The following CPQ variants were observed in gnomAD, a reference collection of about 807,000 sequenced individuals.
CPQ encodes carboxypeptidase Q, also known as Ser-Met dipeptidase.
CPQ carries 37 observed loss-of-function variants against 45.7 expected under a neutral mutation model. The ratio of observed to expected loss-of-function variants is 0.81; its 90% confidence interval spans 0.62 to 1.07. The LOEUF is 1.07. Among genes scored for constraint, CPQ ranks in the 50% least tolerant of loss-of-function variants. The pLI is 0.00. For synonymous variants in CPQ, 186 were observed against 205.8 expected, an observed-to-expected ratio of 0.90 and a Z score of 0.82; for missense variants, 537 against 572.9, an observed-to-expected ratio of 0.94 and a Z score of 0.64.
chr8:97,008,611 A>G (rs1361637360), intron 5 of CPQ, among the ~76,000 whole-genome samples: 1 of 152,160 alleles, frequency 6.6e-6, no homozygotes, highest in Non-Finnish European at 1.5e-5. Context: ...CACGTGTACA[A>G]TGGAGGCTTA....
At chr8:96,658,476 C>A (rs759577930) in intron 1 of CPQ, among the ~76,000 whole-genome samples, 10 of 152,140 alleles carry the variant, frequency 6.6e-5, no homozygotes, top group Non-Finnish European at 1.5e-4. Flanking sequence ...CTGCAGTGGG[C>A]AGAATACTGT....
intron 3 of CPQ, among the ~76,000 whole-genome samples, chr8:96,863,139 G>A (rs1811951752): frequency 6.6e-6 from 1 of 152,102 alleles, no homozygotes; most frequent in Admixed American, 6.6e-5. Context: ...CAGATATGGA[G>A]GAAATAAATG....
chr8:97,059,472 C>G (rs2130518358), intron 6 of CPQ, among the ~76,000 whole-genome samples: 1 of 152,228 alleles, frequency 6.6e-6, no homozygotes, highest in East Asian at 1.9e-4. Context: ...CCTGGCTCTC[C>G]CTTGGGTGCC....
At chr8:96,956,381 CA>C (rs534018332) in intron 4 of CPQ, among the ~76,000 whole-genome samples, 244 of 152,086 alleles carry the variant, frequency 1.6e-3, no homozygotes, top group Non-Finnish European at 2.9e-3. Context: ...ATTTTCGGAC[CA>C]TTTTTTTTGA....
intron 1 of CPQ, among the ~76,000 whole-genome samples, chr8:96,779,978 G>T (rs1238489363): frequency 6.6e-6 from 1 of 152,124 alleles, no homozygotes; most frequent in Non-Finnish European, 1.5e-5. Context: ...GTTTAAATAT[G>T]ATAGCAACTT....
chr8:97,002,732 AT>A (rs1359221326), intron 5 of CPQ, among the ~76,000 whole-genome samples: 1 of 152,080 alleles, frequency 6.6e-6, no homozygotes, highest in African/African-American at 2.4e-5. Flanking sequence ...ATATTCTGTT[AT>A]TTTTGGGTGG....
In CPQ at chr8:96,678,496, T is replaced by G. The variant is rs575351471; in HGVS notation, c.-35+33094T>G. On this transcript the variant is annotated intron_variant, in intron 1 of 7. Coordinates refer to ENST00000220763, the MANE Select transcript of CPQ (RefSeq NM_016134.4). The stretch of plus-strand genomic sequence containing the variant: ...AGCTTTTTGAGAAACCTCCATGATG[T>G]GTTTCATCATGGCTGCACTAATTTA... Among the ~76,000 whole-genome samples the G allele has an allele frequency of 1.8e-4, 27 of 152,182 alleles. No homozygotes were observed. The South Asian group carries it at 5.4e-3, about 30-fold the overall frequency.
At chr8:97,105,703 T>A (rs1388132175) in intron 7 of CPQ, among the ~76,000 whole-genome samples, 2 of 152,210 alleles carry the variant, frequency 1.3e-5, no homozygotes, top group Non-Finnish European at 2.9e-5. Flanking sequence ...ATTGGTCACG[T>A]GGATCTTCAA....
intron 3 of CPQ, among the ~76,000 whole-genome samples, chr8:96,860,756 C>T (rs1811916009): frequency 6.6e-6 from 1 of 152,100 alleles, no homozygotes; most frequent in Non-Finnish European, 1.5e-5. Flanking sequence ...TAAGTCTTAG[C>T]CTCTGGACAC....
chr8:96,916,930 C>G (rs1812741686), intron 4 of CPQ, among the ~76,000 whole-genome samples: 1 of 152,160 alleles, frequency 6.6e-6, no homozygotes, highest in Non-Finnish European at 1.5e-5. Flanking sequence ...TTGCCATTCT[C>G]ATCATCACAT....
chr8:96,660,933 T>G (rs1235703838), intron 1 of CPQ, among the ~76,000 whole-genome samples: 10 of 152,234 alleles, frequency 6.6e-5, no homozygotes, highest in African/African-American at 2.4e-4. Context: ...ATATAAGTAC[T>G]GAAGAATTTA....
chr8:96,744,496 C>T (rs1469228649), intron 1 of CPQ, among the ~76,000 whole-genome samples: 1 of 152,192 alleles, frequency 6.6e-6, no homozygotes, highest in East Asian at 1.9e-4. Flanking sequence ...CATCTTGGCT[C>T]CTCCTCCTAG....
At chr8:96,911,947 T>C (rs1812670095) in intron 4 of CPQ, among the ~76,000 whole-genome samples, 1 of 152,192 alleles carries the variant, frequency 6.6e-6, no homozygotes, top group Non-Finnish European at 1.5e-5. Context: ...GCAGCTTGAC[T>C]GTGTGATGTC....
chr8:96,926,214 C>CTGGT (rs746918430), intron 4 of CPQ, among the ~76,000 whole-genome samples: 1 of 152,216 alleles, frequency 6.6e-6, no homozygotes, highest in Non-Finnish European at 1.5e-5. Flanking sequence ...TGACAGCCTT[C>CTGGT]TGGTTGTCCA....
At chr8:96,946,799 G>T (rs890147758) in intron 4 of CPQ, among the ~76,000 whole-genome samples, 4 of 152,022 alleles carry the variant, frequency 2.6e-5, no homozygotes, top group Non-Finnish European at 4.4e-5. Flanking sequence ...TGCTCCCTTT[G>T]GCTGTAGTTC....
intron 4 of CPQ, among the ~76,000 whole-genome samples, chr8:96,888,048 C>T (rs933063809): frequency 6.6e-6 from 1 of 152,144 alleles, no homozygotes; most frequent in African/African-American, 2.4e-5. Context: ...TCTCTGTTGG[C>T]TCTTTGGATC....
intron 4 of CPQ, among the ~76,000 whole-genome samples, chr8:96,892,822 G>A (rs1007317998): frequency 6.6e-6 from 1 of 152,130 alleles, no homozygotes; most frequent in African/African-American, 2.4e-5. Flanking sequence ...CTCCAATCAA[G>A]TCATATTAAT....
chr8:96,925,729 C>T (rs1022561560), intron 4 of CPQ, among the ~76,000 whole-genome samples: 3 of 143,862 alleles, frequency 2.1e-5, no homozygotes, highest in Non-Finnish European at 4.5e-5. Flanking sequence ...CTTGCTCTGT[C>T]GCCAGGCTGG....
intron 3 of CPQ, among the ~76,000 whole-genome samples, chr8:96,861,999 C>G (rs1055606934): frequency 1.3e-5 from 2 of 151,968 alleles, no homozygotes; most frequent in African/African-American, 4.8e-5. Flanking sequence ...TGAATATCAA[C>G]AAGTGATGGG....
Sources: gnomAD v4.1 joint callset for allele counts (sites outside exome capture counted in the v4.1 genomes callset) on GRCh38, gnomAD v4.1.1 for gene constraint, MANE v1.5 for transcripts, NCBI Gene and HGNC (gene_info 2026-07-23, HGNC 2026-07-21) for gene names.